EIPR1: variants seen among roughly 807,000 people sequenced by gnomAD.
EIPR1 encodes EARP complex and GARP complex interacting protein 1, also known as EARP and GARP complex-interacting protein 1.
EIPR1 carries 25 observed loss-of-function variants against 48.1 expected under a neutral mutation model. That is an observed-to-expected ratio of 0.52 (90% CI 0.38 to 0.73). The LOEUF (loss-of-function observed/expected upper bound fraction) is 0.73. EIPR1 is among the 30% of genes least tolerant of loss of function. The pLI, the probability that EIPR1 is intolerant of heterozygous loss-of-function variation, is 0.00. For synonymous variants in EIPR1, 204 were observed against 201.9 expected, an observed-to-expected ratio of 1.01 and a Z score of -0.09; for missense variants, 415 against 506.2, an observed-to-expected ratio of 0.82 and a Z score of 1.73.
chr2:3,200,979 C>T (rs1429326963), intron 5 of EIPR1, among the ~76,000 whole-genome samples: 4 of 152,112 alleles, frequency 2.6e-5, no homozygotes, highest in South Asian at 2.1e-4. Flanking sequence ...TGCAGCAGCT[C>T]GGACGCTGGA....
intron 3 of EIPR1, among the ~76,000 whole-genome samples, chr2:3,290,108 A>G (rs1668321068): frequency 6.6e-6 from 1 of 152,178 alleles, no homozygotes; most frequent in South Asian, 2.1e-4. Context: ...TCTGTCCCCC[A>G]TCAAGCCTGC....
At chr2:3,305,098 A>T (rs1235189288) in intron 3 of EIPR1, among the ~76,000 whole-genome samples, 8 of 129,720 alleles carry the variant, frequency 6.2e-5, no homozygotes, top group African/African-American at 2.2e-4. Flanking sequence ...ACTCCCAACC[A>T]GTTCAGCCCT....
intron 3 of EIPR1, among the ~76,000 whole-genome samples, chr2:3,328,086 G>A (rs1204263888): frequency 6.6e-6 from 1 of 152,158 alleles, no homozygotes; most frequent in Non-Finnish European, 1.5e-5. Context: ...AAGGCACAAA[G>A]GCAGAGGGAT....
chr2:3,311,504 T>C (rs1669126713), intron 3 of EIPR1, among the ~76,000 whole-genome samples: 1 of 152,220 alleles, frequency 6.6e-6, no homozygotes, highest in Non-Finnish European at 1.5e-5. Flanking sequence ...TGGCATATTT[T>C]AAATCTGAGA....
At chr2:3,297,914 C>T (rs1239564153) in intron 3 of EIPR1, among the ~76,000 whole-genome samples, 2 of 152,170 alleles carry the variant, frequency 1.3e-5, no homozygotes, top group African/African-American at 2.4e-5. Flanking sequence ...ATCTGCCTCC[C>T]GGGTTCAGCT....
In EIPR1 at chr2:3,284,111, C is replaced by T. The variant is rs924902627; in HGVS notation, c.260-26656G>A. On this transcript the variant is annotated intron_variant, in intron 3 of 8. Coordinates refer to ENST00000382125, the MANE Select transcript of EIPR1 (RefSeq NM_003310.5). ...CCCACAGGCACAGAAGGCCGCGGCA[C>T]GGCTGCAGGTAAGGTGGGCACATGG... Among the ~76,000 whole-genome samples, 214 of 152,082 alleles carry T rather than the reference C, an allele frequency of 1.4e-3. 2 individuals are homozygous for T. The highest frequency in any genetic ancestry group is 8.2e-4 in the African/African-American group (34 of 41,406).
At chr2:3,210,179 G>GA (rs533127370) in intron 5 of EIPR1, among the ~76,000 whole-genome samples, 113 of 135,252 alleles carry the variant, frequency 8.4e-4, no homozygotes, top group South Asian at 5.5e-3. Context: ...TAAAAGAAAA[G>GA]AAAAAAAAAA....
At chr2:3,318,292 G>C (rs993812125) in intron 3 of EIPR1, among the ~76,000 whole-genome samples, 1 of 152,176 alleles carries the variant, frequency 6.6e-6, no homozygotes. Context: ...CCCCCTCGTG[G>C]GCTGAAACCT....
chr2:3,243,751 C>T (rs768297010), intron 4 of EIPR1, among the ~76,000 whole-genome samples: 1 of 152,156 alleles, frequency 6.6e-6, no homozygotes, highest in South Asian at 2.1e-4. Flanking sequence ...CCTAATCACC[C>T]AGCCCTCCAT....
At chr2:3,220,660 T>C (rs1003774238) in intron 4 of EIPR1, among the ~76,000 whole-genome samples, 22 of 150,048 alleles carry the variant, frequency 1.5e-4, no homozygotes, top group African/African-American at 5.2e-4. Context: ...CATGGTACAC[T>C]CTAGAGCATT....
At chr2:3,322,043 C>A (rs528233749) in intron 3 of EIPR1, among the ~76,000 whole-genome samples, 1 of 152,324 alleles carries the variant, frequency 6.6e-6, no homozygotes, top group Admixed American at 6.5e-5. Flanking sequence ...CCTCACTTCA[C>A]GGGAAGATGT....
chr2:3,345,000 C>A (rs931480276), intron 2 of EIPR1, among the ~76,000 whole-genome samples: 1 of 152,146 alleles, frequency 6.6e-6, no homozygotes, highest in African/African-American at 2.4e-5. Context: ...ATAGCCCTTG[C>A]CCATGAAGCC....
chr2:3,308,487 A>C (rs1224621245), intron 3 of EIPR1, among the ~76,000 whole-genome samples: 1 of 152,230 alleles, frequency 6.6e-6, no homozygotes, highest in African/African-American at 2.4e-5. Flanking sequence ...TTTGAACACC[A>C]GACCAGAGAG....
chr2:3,208,424 C>T, intron 5 of EIPR1: 2 of 1,470,818 alleles, frequency 1.4e-6, no homozygotes, highest in Non-Finnish European at 1.8e-6. Flanking sequence ...ACCACGTCAC[C>T]TTCAGACACT....
chr2:3,261,179 C>A lies in EIPR1; in HGVS notation c.260-3724G>T, dbSNP rs113375438. 1.7e-3 allele frequency among the ~76,000 whole-genome samples: 251 copies of A among 152,078 alleles called. 1 individual carries two copies. Among genetic ancestry groups the A allele is most frequent in the Middle Eastern group, 6.8e-3 (2 of 292 alleles). The stretch of plus-strand genomic sequence containing the variant: ...TGACCAACGAGACCAGAGTGCCGGC[C>A]AAGGAAGCTCAACTGGCAGAGGGCT... On this transcript the variant is annotated intron_variant, in intron 3 of 8. Transcript: ENST00000382125.
chr2:3,311,110 GA>G (rs1195398724), intron 3 of EIPR1, among the ~76,000 whole-genome samples: 3 of 152,084 alleles, frequency 2.0e-5, no homozygotes, highest in Non-Finnish European at 2.9e-5. Flanking sequence ...AGAGTGCTTT[GA>G]AAACTGGCAA....
chr2:3,293,135 A>G (rs1340148175), intron 3 of EIPR1, among the ~76,000 whole-genome samples: 1 of 151,898 alleles, frequency 6.6e-6, no homozygotes, highest in Non-Finnish European at 1.5e-5. Flanking sequence ...ACAAACTATC[A>G]CCCTACAATC....
At chr2:3,210,430 T>C (rs1223431798) in intron 5 of EIPR1, among the ~76,000 whole-genome samples, 2 of 152,080 alleles carry the variant, frequency 1.3e-5, no homozygotes, top group Non-Finnish European at 2.9e-5. Flanking sequence ...CTAGTCTGTG[T>C]TGCCACAGAG....
At position 3,192,518 on chromosome 2, in the gene EIPR1, G is replaced by A. The variant is rs776058573; in HGVS notation, c.885C>T (p.Ser295=). 2.4e-5 allele frequency: 39 copies of A among 1,612,952 alleles called. No homozygotes were observed. The highest frequency in any genetic ancestry group is 3.2e-5 in the Non-Finnish European group (38 of 1,179,882). The part of the protein sequence containing the change: ...DQLVLTGSSD[S]RVILSNMVSI... ...ACACCATGTTGGAAAGGATGACTCTGCTGTCACTGCTGCCCGTGAGGACCA... is the reference window on the plus strand; with the variant it reads ...ACACCATGTTGGAAAGGATGACTCTACTGTCACTGCTGCCCGTGAGGACCA... The change falls in exon 8 of 9, where the codon AGC becomes AGT. Residue 295 remains serine, a synonymous_variant. Coordinates refer to ENST00000382125, the MANE Select transcript of EIPR1 (RefSeq NM_003310.5).
Sources: gnomAD v4.1 joint callset for allele counts (sites outside exome capture counted in the v4.1 genomes callset) on GRCh38, gnomAD v4.1.1 for gene constraint, MANE v1.5 for transcripts, NCBI Gene and HGNC (gene_info 2026-07-23, HGNC 2026-07-21) for gene names.